PACS2: variants seen among roughly 807,000 people sequenced by gnomAD.
PACS2 encodes the protein PACS1-like protein.
Under a neutral mutation model 113.0 loss-of-function variants are expected in PACS2, and 36 were observed. The observed-to-expected ratio is 0.32, with a 90% confidence interval of 0.24 to 0.42. The LOEUF is 0.42. Ranked by LOEUF, PACS2 falls within the 10% of genes least tolerant of loss-of-function variation. The pLI is 1.00. For missense variants in PACS2, 1,015 were observed against 1,239.5 expected, an observed-to-expected ratio of 0.82 and a Z score of 2.72; for synonymous variants, 589 against 536.1, an observed-to-expected ratio of 1.10 and a Z score of -1.36.
chr14:105,337,152 G>T (rs1362935636), intron 1 of PACS2, among the ~76,000 whole-genome samples: 1 of 152,242 alleles, frequency 6.6e-6, no homozygotes, highest in Non-Finnish European at 1.5e-5. Flanking sequence ...TGAGTATATT[G>T]TGCTGAGTGG....
intron 1 of PACS2, among the ~76,000 whole-genome samples, chr14:105,325,765 C>T (rs192619496): frequency 2.6e-5 from 4 of 152,248 alleles, no homozygotes; most frequent in African/African-American, 9.6e-5. Context: ...ATGCACATCC[C>T]TCTTCTCAAA....
At chr14:105,350,028 C>T (rs1029995674) in intron 2 of PACS2, among the ~76,000 whole-genome samples, 86 of 147,868 alleles carry the variant, frequency 5.8e-4, no homozygotes, top group African/African-American at 2.0e-3. Context: ...TCCGGGAGCG[C>T]GTGGCTAATA....
chr14:105,352,329 C>T (rs375132260), intron 2 of PACS2, 49 bp from the exon 3 acceptor site: 277 of 1,229,064 alleles, frequency 2.3e-4, no homozygotes, highest in Non-Finnish European at 3.3e-4. Flanking sequence ...GCCTGGTTTC[C>T]TGCTGATATG....
At chr14:105,345,718 T>A (rs2059897871) in intron 1 of PACS2, among the ~76,000 whole-genome samples, 1 of 152,258 alleles carries the variant, frequency 6.6e-6, no homozygotes, top group Non-Finnish European at 1.5e-5. Context: ...ATATCAGCTC[T>A]TTTGTATTTG....
intron 9 of PACS2, among the ~76,000 whole-genome samples, chr14:105,379,221 G>C (rs868969070): frequency 5.5e-4 from 84 of 152,260 alleles, no homozygotes; most frequent in Middle Eastern, 6.8e-3. Flanking sequence ...GATAGGCCTG[G>C]ATGGTTTGGA....
In PACS2 at chr14:105,329,264, T is replaced by C. The variant is rs914496369; in HGVS notation, c.119+14227T>C. On this transcript the variant is annotated intron_variant, in intron 1 of 24. Transcript: ENST00000447393. The surrounding 1 kb of genome is among the most constrained non-coding windows in gnomAD (Gnocchi z 6.4). ...TGCCTGTGGTTTGCAGGGGCCTGGC[T>C]GCAGCTGCCCTGTGTGATCTCTGTC... Among the ~76,000 whole-genome samples the C allele has an allele frequency of 6.6e-6, 1 of 152,178 alleles. No homozygotes were observed. The highest frequency in any genetic ancestry group is 1.5e-5 in the Non-Finnish European group (1 of 68,024).
At position 105,354,604 on chromosome 14, in the gene PACS2, G is replaced by A. The variant is rs1595675628; in HGVS notation, c.298-448G>A. 6.6e-6 allele frequency among the ~76,000 whole-genome samples: 1 copy of A among 152,252 alleles called. No homozygotes were observed. The highest frequency in any genetic ancestry group is 2.4e-5 in the African/African-American group (1 of 41,476). On this transcript the variant is annotated intron_variant, in intron 3 of 24. Coordinates refer to ENST00000447393, the MANE Select transcript of PACS2 (RefSeq NM_001100913.3). The surrounding 1 kb of genome is among the most constrained non-coding windows in gnomAD (Gnocchi z 4.2). ...GGAGCCTGTGGTGAGACGTGCAGGCGAGTTGGGTGAACAGGGGGCCTCGGA... is the reference window on the plus strand; with the variant it reads ...GGAGCCTGTGGTGAGACGTGCAGGCAAGTTGGGTGAACAGGGGGCCTCGGA...
At chr14:105,383,003 C>T (rs782658606) in intron 15 of PACS2, 90 bp downstream of exon 15, 9 of 760,168 alleles carry the variant, frequency 1.2e-5, no homozygotes, top group African/African-American at 6.9e-5. Context: ...GGGCTAGGTG[C>T]GTCCTGGACC....
chr14:105,327,102 C>G (rs1320852075), intron 1 of PACS2, among the ~76,000 whole-genome samples: 1 of 152,242 alleles, frequency 6.6e-6, no homozygotes, highest in African/African-American at 2.4e-5. Flanking sequence ...GGTCCAGCGT[C>G]GCTGTCTCCT....
chr14:105,368,291 T>A (rs1347667945), intron 6 of PACS2, 144 bp downstream of exon 6: 9 of 810,292 alleles, frequency 1.1e-5, no homozygotes. Context: ...CCATCTCTCG[T>A]CTCCCGACCC....
rs782072129 is a variant in PACS2, at chr14:105,358,420, C to T, written c.423+3243C>T. Among the ~76,000 whole-genome samples the T allele has an allele frequency of 3.9e-5, 6 of 152,168 alleles. No homozygotes were observed. The highest frequency in any genetic ancestry group is 1.9e-4 in the East Asian group (1 of 5,186). ...AGGCAGCTCCGCAGAGGCAGGTGTG[C>T]GGTGGGGGCAGACGTGGGGCCTTCT... On this transcript the variant is annotated intron_variant, in intron 4 of 24. Transcript: ENST00000447393. The surrounding 1 kb of genome is among the most constrained non-coding windows in gnomAD (Gnocchi z 4.9).
At position 105,324,196 on chromosome 14, in the gene PACS2, C is replaced by T. The variant is rs1197541082; in HGVS notation, c.119+9159C>T. On this transcript the variant is annotated intron_variant, in intron 1 of 24. Coordinates refer to ENST00000447393, the MANE Select transcript of PACS2 (RefSeq NM_001100913.3). The surrounding 1 kb of genome is among the most constrained non-coding windows in gnomAD (Gnocchi z 4.7). ...GAAGGTTTGATGGAGTGGGCAGCTG[C>T]GGTGCTGTGGCGGGGTCGGGGGGCT... Among the ~76,000 whole-genome samples, 5 of 152,178 alleles carry T rather than the reference C, an allele frequency of 3.3e-5. No individual in the cohort carries two copies. Among genetic ancestry groups the T allele is most frequent in the East Asian group, 1.9e-4 (1 of 5,184 alleles).
At chr14:105,334,357 G>C (rs1301470535) in intron 1 of PACS2, among the ~76,000 whole-genome samples, 1 of 152,234 alleles carries the variant, frequency 6.6e-6, no homozygotes, top group Non-Finnish European at 1.5e-5. Flanking sequence ...CCACCTTGAG[G>C]CTGACGCAGA....
chr14:105,393,047 C>T (rs1033554968), intron 23 of PACS2, among the ~76,000 whole-genome samples, 175 bp from the exon 24 acceptor site: 3 of 152,164 alleles, frequency 2.0e-5, no homozygotes, highest in African/African-American at 7.2e-5. Context: ...CAGGCGGAGG[C>T]CAGCTGGGTG....
intron 1 of PACS2, among the ~76,000 whole-genome samples, chr14:105,319,120 G>T (rs921127077): frequency 6.7e-6 from 1 of 148,330 alleles, no homozygotes; most frequent in South Asian, 2.2e-4. Flanking sequence ...GCTAATTTCT[G>T]TATTTTTAGT....
intron 1 of PACS2, among the ~76,000 whole-genome samples, chr14:105,307,425 A>G (rs2058222278): frequency 1.3e-5 from 2 of 152,168 alleles, no homozygotes; most frequent in South Asian, 2.1e-4. Flanking sequence ...AATGGCAATA[A>G]AGGCTCTTGC....
Position 105,324,609 on chromosome 14 carries a change from A to C in PACS2, c.119+9572A>C, listed in dbSNP as rs1019861398. ...GCGCGCGCCGATGTGTGCTCAGCTC[A>C]GGCCGACTTAGCAGGGTTGTGAGAG... is the stretch of plus-strand genomic sequence containing the variant. On this transcript the variant is annotated intron_variant, in intron 1 of 24. Transcript: ENST00000447393. This position sits in a 1 kb window ranked among gnomAD's most constrained non-coding sequence, Gnocchi z 4.7. 3.3e-5 allele frequency among the ~76,000 whole-genome samples: 5 copies of C among 152,196 alleles called. No individual in the cohort carries two copies. Among genetic ancestry groups the C allele is most frequent in the Non-Finnish European group, 7.4e-5 (5 of 68,022 alleles).
At chr14:105,384,256 C>A in intron 16 of PACS2, 97 bp from the exon 17 acceptor site, 1 of 682,158 alleles carries the variant, frequency 1.5e-6, no homozygotes, top group Non-Finnish European at 2.5e-6. Context: ...GGCAGCAGCA[C>A]AGGCCTGGGG....
chr14:105,315,653 C>T lies in PACS2; in HGVS notation c.119+616C>T, dbSNP rs1373108136. The stretch of plus-strand genomic sequence containing the variant: ...CCATTGCGGAAGACTGGCTGTTCTG[C>T]ACTTGGTAGGGGGGCGCCCGGTCGC... On this transcript the variant is annotated intron_variant, in intron 1 of 24. Transcript: ENST00000447393. The surrounding 1 kb of genome is among the most constrained non-coding windows in gnomAD (Gnocchi z 4.4). The T allele has an allele frequency of 6.6e-6, 1 of 152,288 alleles. No individual in the cohort carries two copies. The highest frequency in any genetic ancestry group is 1.5e-5 in the Non-Finnish European group (1 of 68,066). The allele number at this position is 152,288 out of a possible 1,614,324, so 9.4% of individuals were successfully genotyped here. A position where few individuals can be genotyped will look rare whatever the true frequency, so the allele number is the denominator to read the frequency against.
Sources: gnomAD v4.1 joint callset for allele counts (sites outside exome capture counted in the v4.1 genomes callset) on GRCh38, gnomAD v4.1.1 for gene constraint, Gnocchi (gnomAD v3.1) non-coding constraint, MANE v1.5 for transcripts, NCBI Gene and HGNC (gene_info 2026-07-23, HGNC 2026-07-21) for gene names.